PCNX2: variants seen among roughly 807,000 people sequenced by gnomAD.
The protein encoded by PCNX2 is pecanex-like protein 2.
PCNX2 carries 168 observed loss-of-function variants against 223.8 expected under a neutral mutation model. The observed-to-expected ratio is 0.75, with a 90% CI of 0.66 to 0.85. The LOEUF (loss-of-function observed/expected upper bound fraction) is 0.85. Among genes scored for constraint, PCNX2 ranks in the 40% least tolerant of loss-of-function variants. PCNX2 has a pLI of 0.00. For synonymous variants in PCNX2, 1,006 were observed against 1,052.6 expected (o/e 0.96, Z 0.86); for missense variants, 2,507 against 2,675.5 (o/e 0.94, Z 1.39).
intron 1 of PCNX2, chr1:233,289,148 G>A (rs1188868998): frequency 1.4e-5 from 12 of 857,358 alleles, no homozygotes; most frequent in Non-Finnish European, 2.2e-5. Context: ...GCTTAGGCAG[G>A]ATTCTCCTTT....
At chr1:233,174,276 T>G (rs1381387515) in intron 17 of PCNX2, among the ~76,000 whole-genome samples, 1 of 146,126 alleles carries the variant, frequency 6.8e-6, no homozygotes, top group Non-Finnish European at 1.5e-5. Flanking sequence ...TAATATATAA[T>G]TTATATTTTA....
At chr1:233,255,297 A>C (rs1659673091) in intron 5 of PCNX2, among the ~76,000 whole-genome samples, 1 of 152,178 alleles carries the variant, frequency 6.6e-6, no homozygotes, top group African/African-American at 2.4e-5. Flanking sequence ...CCAAGCACAT[A>C]GGATGACTCA....
intron 23 of PCNX2, among the ~76,000 whole-genome samples, chr1:233,082,416 T>C (rs898656037): frequency 2.6e-5 from 4 of 152,130 alleles, no homozygotes; most frequent in African/African-American, 4.8e-5. Context: ...ATAAAGGAGA[T>C]TCATGACATT....
At chr1:233,267,801 C>T (rs1660421389) in intron 1 of PCNX2, among the ~76,000 whole-genome samples, 1 of 152,168 alleles carries the variant, frequency 6.6e-6, no homozygotes, top group African/African-American at 2.4e-5. Flanking sequence ...TACCTTTTGG[C>T]TACTGTGAAT....
chr1:233,311,678 C>T, the PCNX2 span, among the ~76,000 whole-genome samples: 1 of 152,008 alleles, frequency 6.6e-6, no homozygotes, highest in Non-Finnish European at 1.5e-5. Context: ...CTTAGCCTAT[C>T]CTAATTAATA....
At chr1:233,084,480 A>G (rs1673504765) in intron 23 of PCNX2, among the ~76,000 whole-genome samples, 1 of 152,254 alleles carries the variant, frequency 6.6e-6, no homozygotes. Context: ...ATAGAATTCT[A>G]GATATGTAAC....
At chr1:233,297,447 T>A (rs1169605858), upstream of PCNX2, among the ~76,000 whole-genome samples, 2 of 152,190 alleles carry the variant, frequency 1.3e-5, no homozygotes, top group Non-Finnish European at 2.9e-5. Flanking sequence ...TATCCAGATA[T>A]ATGGAAGCAC....
chr1:233,119,403 C>CAAAAAAAAAAAAAAAAAAAAAA (rs71173251), intron 21 of PCNX2, among the ~76,000 whole-genome samples: 1 of 38,638 alleles, frequency 2.6e-5, no homozygotes, highest in African/African-American at 1.1e-4. Context: ...ACTAAAAATA[C>CAAAAAAAAAAAAAAAAAAAAAA]AAAAAAAAAA....
the PCNX2 span, among the ~76,000 whole-genome samples, chr1:233,308,968 A>C: frequency 2.0e-5 from 3 of 152,184 alleles, no homozygotes; most frequent in Non-Finnish European, 2.9e-5. Context: ...GTCTTAGAGA[A>C]AATCCAAGCA....
chr1:233,287,635 T>C (rs557460853), intron 1 of PCNX2, among the ~76,000 whole-genome samples: 3 of 152,308 alleles, frequency 2.0e-5, no homozygotes, highest in African/African-American at 7.2e-5. Context: ...TAAACCTCTT[T>C]CCTTTATAAA....
At position 233,121,232 on chromosome 1, in the gene PCNX2, T is replaced by G. The variant is rs1222658687; in HGVS notation, c.3837+13781A>C. On this transcript the variant is annotated intron_variant, in intron 21 of 33. Transcript: ENST00000258229. ...CATGTTCATAGACCGGAAGATCGAA[T>G]ATTGTTAAAATGTTGATTCTTTACA... Among the ~76,000 whole-genome samples, 4 of 152,198 alleles carry G rather than the reference T, an allele frequency of 2.6e-5. No homozygotes were observed. The East Asian group carries it at 7.7e-4, about 29-fold the overall frequency.
chr1:233,238,749 T>G (rs1658573653), intron 8 of PCNX2, among the ~76,000 whole-genome samples: 1 of 147,322 alleles, frequency 6.8e-6, no homozygotes, highest in Admixed American at 6.8e-5. Context: ...TAAACTTCAA[T>G]ACATTCAATA....
intron 17 of PCNX2, among the ~76,000 whole-genome samples, chr1:233,177,336 T>A (rs147656226): frequency 0.01 from 1,567 of 152,336 alleles, 27 homozygotes; most frequent in African/African-American, 0.035. Context: ...AGTTACTTCC[T>A]CCTTCCTTTG....
rs1448553266 is a variant in PCNX2, at chr1:233,197,814, C to T, written c.3066+1125G>A. Among the ~76,000 whole-genome samples, 5 of 152,050 alleles carry T rather than the reference C, an allele frequency of 3.3e-5. No individual in the cohort carries two copies. The South Asian group carries it at 1.0e-3, about 32-fold the overall frequency. On this transcript the variant is annotated intron_variant, in intron 15 of 33. Transcript: ENST00000258229. ...TCAGTTTAATATGATTTAAGTTAAT[C>T]TTTTTAAAAAGTGAGTTAAGAAATG...
intron 1 of PCNX2, among the ~76,000 whole-genome samples, chr1:233,278,289 G>T (rs565211404): frequency 5.3e-5 from 8 of 152,302 alleles, no homozygotes; most frequent in African/African-American, 1.9e-4. Flanking sequence ...TGCCTCAGGA[G>T]CCAACAGAGC....
intron 17 of PCNX2, among the ~76,000 whole-genome samples, chr1:233,171,900 T>C (rs1679173816): frequency 6.6e-6 from 1 of 152,182 alleles, no homozygotes; most frequent in African/African-American, 2.4e-5. Context: ...ATTAGTGTTA[T>C]GTTCTGGGTA....
upstream of PCNX2, among the ~76,000 whole-genome samples, chr1:233,300,202 C>CA (rs150239413): frequency 0.011 from 1,725 of 152,240 alleles, 25 homozygotes; most frequent in African/African-American, 0.037. Context: ...TGAGCCTTTC[C>CA]ATAATGAACA....
At chr1:233,006,754 T>G (rs1670298211) in intron 28 of PCNX2, among the ~76,000 whole-genome samples, 1 of 152,214 alleles carries the variant, frequency 6.6e-6, no homozygotes, top group African/African-American at 2.4e-5. Flanking sequence ...ATTTACAGAT[T>G]AGCATTGTGA....
chr1:233,254,551 T>C (rs997856740), intron 5 of PCNX2, among the ~76,000 whole-genome samples: 1 of 152,216 alleles, frequency 6.6e-6, no homozygotes, highest in Non-Finnish European at 1.5e-5. Context: ...GAAATGTTTC[T>C]GTTTATAAAA....
Sources: allele counts gnomAD v4.1 joint callset (sites outside exome capture counted in the v4.1 genomes callset), GRCh38; gene constraint gnomAD v4.1.1; transcripts MANE v1.5; gene names NCBI Gene and HGNC (gene_info 2026-07-23, HGNC 2026-07-21).